CTTN: variants seen among roughly 807,000 people sequenced by gnomAD.
CTTN encodes cortactin.
A neutral mutation model predicts 84.0 loss-of-function variants in CTTN; 28 were observed. The ratio of observed to expected loss-of-function variants is 0.33; its 90% CI spans 0.25 to 0.46. The LOEUF (loss-of-function observed/expected upper bound fraction) is 0.46, where lower values mean the gene tolerates loss of function less well. Ranked by LOEUF, CTTN falls within the 20% of genes least tolerant of loss-of-function variation. The pLI is 1.00. For missense variants in CTTN, 641 were observed against 723.8 expected, an observed-to-expected ratio of 0.89 and a Z score of 1.31; for synonymous variants, 301 against 288.8, an observed-to-expected ratio of 1.04 and a Z score of -0.43.
chr11:70,407,863 T>A (rs567206365), intron 4 of CTTN: 33 of 428,782 alleles, frequency 7.7e-5, no homozygotes, highest in African/African-American at 6.4e-4. Context: ...AATTTTAGAG[T>A]GTCCGCTTCT....
intron 4 of CTTN, among the ~76,000 whole-genome samples, chr11:70,408,784 G>A (rs513487): frequency 0.52 from 78,849 of 152,008 alleles, 22,666 homozygotes; most frequent in African/African-American, 0.77. Flanking sequence ...TCGGAACTCC[G>A]GTGGCCGTGC....
At chr11:70,417,553 TG>T (rs1380074928) in intron 8 of CTTN, among the ~76,000 whole-genome samples, 2 of 151,854 alleles carry the variant, frequency 1.3e-5, no homozygotes, top group African/African-American at 4.8e-5. Context: ...TGGAGTGTAG[TG>T]GCGTGATCTC....
chr11:70,399,454 G>A (rs1235382949), intron 1 of CTTN, among the ~76,000 whole-genome samples: 1 of 152,052 alleles, frequency 6.6e-6, no homozygotes, highest in Non-Finnish European at 1.5e-5. Context: ...GGGACGTGGC[G>A]GAGCAGCTGG....
At position 70,435,630 on chromosome 11, in the gene CTTN, G is replaced by T. The variant is rs113099964; in HGVS notation, c.*468G>T. 70 of 1,593,970 alleles carry T rather than the reference G, an allele frequency of 4.4e-5. No homozygotes were observed. The African/African-American group carries it at 7.9e-4, about 18-fold the overall frequency. ...TCCTCTAGAGTCTCACTGCTGGGGA[G>T]GAGAGGACTGGGCCTGATGGAAGTT... On this transcript the variant is annotated 3_prime_UTR_variant, in exon 18 of 18. Coordinates refer to ENST00000301843, the MANE Select transcript of CTTN (RefSeq NM_005231.4).
intron 8 of CTTN, among the ~76,000 whole-genome samples, chr11:70,418,001 C>T (rs2058183688): frequency 6.6e-6 from 1 of 152,194 alleles, no homozygotes; most frequent in African/African-American, 2.4e-5. Flanking sequence ...AGAGCGTTTC[C>T]CAGGGCTGCA....
intron 1 of CTTN, among the ~76,000 whole-genome samples, chr11:70,404,238 A>T (rs2058018798): frequency 6.6e-6 from 1 of 152,216 alleles, no homozygotes; most frequent in Non-Finnish European, 1.5e-5. Context: ...ACCATCCCCT[A>T]GTTCCTAATG....
intron 11 of CTTN, 163 bp downstream of exon 11, chr11:70,421,743 C>T (rs1292011521): frequency 1.6e-5 from 10 of 615,296 alleles, no homozygotes; most frequent in Admixed American, 2.9e-5. Flanking sequence ...TCTAGTAGAG[C>T]GACACTGATT....
chr11:70,425,145 T>TG (rs1312636705), intron 12 of CTTN, among the ~76,000 whole-genome samples, 187 bp from the exon 13 acceptor site: 1 of 152,088 alleles, frequency 6.6e-6, no homozygotes, highest in East Asian at 1.9e-4. Flanking sequence ...TGCCTGCAAA[T>TG]GTGGTTGGTA....
Position 70,430,799 on chromosome 11 carries a change from C to T in CTTN, c.1177-392C>T, listed in dbSNP as rs183637698. 2.9e-3 allele frequency among the ~76,000 whole-genome samples: 442 copies of T among 152,348 alleles called. 3 individuals carry two copies. Among genetic ancestry groups the T allele is most frequent in the Non-Finnish European group, 5.4e-3 (367 of 68,032 alleles). Reference sequence around the variant, plus strand: ...CAAATCTGTGCCTAAACTATCTAATCGTGTGTGGGCGAGAATGAGCTGTGG... The same window carrying T: ...CAAATCTGTGCCTAAACTATCTAATTGTGTGTGGGCGAGAATGAGCTGTGG... On this transcript the variant is annotated intron_variant, in intron 14 of 17. Transcript: ENST00000301843.
In CTTN at chr11:70,436,404, C is replaced by G. The variant is rs757365171; in HGVS notation, c.*1242C>G. ...CTCGGGACTTGGGTCCCGGAGTGCC[C>G]GTGAAGCGTGTTTTTGCTCCTGAGG... On this transcript the variant is annotated 3_prime_UTR_variant, in exon 18 of 18. Transcript: ENST00000301843. 3.1e-6 allele frequency: 5 copies of G among 1,597,894 alleles called. No individual in the cohort carries two copies. The highest frequency in any genetic ancestry group is 4.2e-6 in the Non-Finnish European group (5 of 1,179,636).
At chr11:70,404,650 T>C (rs2058022697) in intron 1 of CTTN, among the ~76,000 whole-genome samples, 1 of 152,258 alleles carries the variant, frequency 6.6e-6, no homozygotes, top group Non-Finnish European at 1.5e-5. Context: ...CTAAGAATTA[T>C]GGCAAACAGT....
At chr11:70,414,459 C>A in intron 5 of CTTN, 83 bp from the exon 6 acceptor site, 1 of 1,007,172 alleles carries the variant, frequency 9.9e-7, no homozygotes, top group Non-Finnish European at 1.5e-6. Context: ...CAGGATGTGG[C>A]CTCCCCCAGC....
intron 1 of CTTN, among the ~76,000 whole-genome samples, chr11:70,400,193 G>A (rs2057960639): frequency 6.6e-6 from 1 of 152,196 alleles, no homozygotes; most frequent in South Asian, 2.1e-4. Flanking sequence ...TGGGGCAGGG[G>A]TGCGGTGGCT....
chr11:70,409,915 T>A lies in CTTN; in HGVS notation c.246T>A (p.His82Gln). ...TTGAAACAGGACCAAAAGCTTCCCA[T>A]GGCTATGGAGGGAAATTTGGTGTGG... ...KELETGPKAS[H>Q]GYGGKFGVEQ... is the part of the protein sequence containing the mutation. Residue 82 changes from histidine (H) to glutamine (Q), a missense_variant, in exon 5 of 18, where the codon CAT (histidine) becomes CAA (glutamine). Physicochemically the swap from His to Gln is conservative, Grantham distance 24. Coordinates refer to ENST00000301843, the MANE Select transcript of CTTN (RefSeq NM_005231.4). 1.2e-6 allele frequency: 2 copies of A among 1,614,054 alleles called. No individual in the cohort carries two copies. The highest frequency in any genetic ancestry group is 1.7e-6 in the Non-Finnish European group (2 of 1,180,000).
At chr11:70,415,124 C>G (rs945670655) in intron 6 of CTTN, among the ~76,000 whole-genome samples, 2 of 152,042 alleles carry the variant, frequency 1.3e-5, no homozygotes, top group African/African-American at 4.8e-5. Context: ...AATAGAGGAG[C>G]GATCAGGAGC....
intron 13 of CTTN, among the ~76,000 whole-genome samples, chr11:70,428,571 T>C (rs2058323022): frequency 6.6e-6 from 1 of 152,154 alleles, no homozygotes. Flanking sequence ...TCTTCCCGTC[T>C]CAACCTCCCA....
At chr11:70,401,185 A>G (rs562621963) in intron 1 of CTTN, among the ~76,000 whole-genome samples, 2 of 151,586 alleles carry the variant, frequency 1.3e-5, no homozygotes, top group East Asian at 1.9e-4. Flanking sequence ...AAAATAGAAA[A>G]ATTGGCCGGG....
intron 17 of CTTN, among the ~76,000 whole-genome samples, chr11:70,434,517 CACACGTGCATTTGCGT>C (rs1369520165): frequency 6.6e-6 from 1 of 152,294 alleles, no homozygotes; most frequent in Non-Finnish European, 1.5e-5. Flanking sequence ...GTGCCTTTTG[CACACGTGCATTTGCGT>C]ACACGCATGT....
chr11:70,410,134 A>G (rs1217756355), intron 5 of CTTN, among the ~76,000 whole-genome samples, 174 bp downstream of exon 5: 1 of 152,210 alleles, frequency 6.6e-6, no homozygotes, highest in East Asian at 1.9e-4. Context: ...GAAGTACTCT[A>G]GCTTTCTTCA....
Sources: gnomAD v4.1 joint callset for allele counts (sites outside exome capture counted in the v4.1 genomes callset) on GRCh38, gnomAD v4.1.1 for gene constraint, MANE v1.5 for transcripts, NCBI Gene and HGNC (gene_info 2026-07-23, HGNC 2026-07-21) for gene names.